CD2AP: variants seen among roughly 807,000 people sequenced by gnomAD.
CD2AP encodes CD2-associated protein.
In CD2AP, 46 loss-of-function variants were observed where a neutral mutation model predicts 85.1. The ratio of observed to expected loss-of-function variants is 0.54; its 90% CI spans 0.43 to 0.69. CD2AP has a LOEUF of 0.69. Ranked by LOEUF, CD2AP falls within the 30% of genes least tolerant of loss-of-function variation. The pLI is 0.00. For missense variants in CD2AP, 769 were observed against 729.5 expected (o/e 1.05, Z -0.62); for synonymous variants, 255 against 252.9 (o/e 1.01, Z -0.08).
intron 12 of CD2AP, among the ~76,000 whole-genome samples, chr6:47,598,285 C>T (rs1769003989): frequency 6.6e-6 from 1 of 150,988 alleles, no homozygotes; most frequent in Admixed American, 6.6e-5. Context: ...AAAGGGAACA[C>T]TTGTACACTG....
intron 13 of CD2AP, among the ~76,000 whole-genome samples, chr6:47,603,166 A>G (rs1769188753): frequency 6.6e-6 from 1 of 152,054 alleles, no homozygotes; most frequent in South Asian, 2.1e-4. Context: ...TTTAGTTTCT[A>G]ATAGTTTCCT....
chr6:47,538,246 T>A (rs1767105966), intron 3 of CD2AP, among the ~76,000 whole-genome samples: 1 of 152,138 alleles, frequency 6.6e-6, no homozygotes, highest in African/African-American at 2.4e-5. Flanking sequence ...TTTATTTTAT[T>A]TATTTATTTT....
chr6:47,624,825 T>C lies in CD2AP; in HGVS notation c.*598T>C, dbSNP rs534650938. On this transcript the variant is annotated 3_prime_UTR_variant, in exon 18 of 18. Coordinates refer to ENST00000359314, the MANE Select transcript of CD2AP (RefSeq NM_012120.3). Reference sequence around the variant, plus strand: ...TATATTTTGGGTGATGAAATAGGAGTTTCCTAGCTATATAAACCAGATTAC... The same window carrying C: ...TATATTTTGGGTGATGAAATAGGAGCTTCCTAGCTATATAAACCAGATTAC... 4.0e-5 allele frequency: 6 copies of C among 151,746 alleles called. No homozygotes were observed. The East Asian group carries it at 7.7e-4, about 20-fold the overall frequency. 9.4% of individuals were successfully genotyped at this position (151,746 alleles called of 1,614,324 possible).
chr6:47,605,661 T>G (rs1394912645), intron 13 of CD2AP, among the ~76,000 whole-genome samples: 1 of 152,076 alleles, frequency 6.6e-6, no homozygotes, highest in Non-Finnish European at 1.5e-5. Context: ...ATCATGCTTT[T>G]GCTTTATATT....
In CD2AP at chr6:47,580,829, C is replaced by G. The variant is rs534961105; in HGVS notation, c.1009-35C>G. ...TATTTTAACTATATTTGATATGAAA[C>G]TGGTCAGCCGTTTCCACCATTATTA... On this transcript the variant is annotated intron_variant, in intron 9 of 17. Transcript: ENST00000359314. 3.9e-6 allele frequency: 6 copies of G among 1,527,614 alleles called. No homozygotes were observed. The East Asian group carries it at 1.1e-4, about 29-fold the overall frequency. 94.6% of individuals were successfully genotyped at this position (1,527,614 alleles called of 1,614,324 possible).
rs976346293 is a variant in CD2AP, at chr6:47,594,692, G to C, written c.1109-1169G>C. ...GTGGTATAATTATATATAGTACATT[G>C]TTACATCTTGAGGCCATATAAAAAT... On this transcript the variant is annotated intron_variant, in intron 11 of 17. Coordinates refer to ENST00000359314, the MANE Select transcript of CD2AP (RefSeq NM_012120.3). 2.1e-4 allele frequency among the ~76,000 whole-genome samples: 32 copies of C among 151,986 alleles called. 1 individual carries two copies. Among genetic ancestry groups the C allele is most frequent in the Admixed American group, 2.6e-4 (4 of 15,232 alleles).
intron 11 of CD2AP, among the ~76,000 whole-genome samples, chr6:47,583,524 A>G (rs969749801): frequency 6.6e-6 from 1 of 152,152 alleles, no homozygotes; most frequent in Non-Finnish European, 1.5e-5. Context: ...TACAGCACGT[A>G]GCCTTTTCAA....
intron 1 of CD2AP, among the ~76,000 whole-genome samples, chr6:47,484,549 C>T (rs999869654): frequency 2.0e-5 from 3 of 152,176 alleles, no homozygotes; most frequent in East Asian, 1.9e-4. Flanking sequence ...TAAATTGATA[C>T]TGGCTTAAGA....
intron 5 of CD2AP, among the ~76,000 whole-genome samples, chr6:47,556,867 A>G (rs1767707835): frequency 1.3e-5 from 2 of 152,222 alleles, no homozygotes; most frequent in South Asian, 2.1e-4. Context: ...GTCAAATGGT[A>G]TTTCTAGTTC....
At chr6:47,592,778 A>G (rs746656181) in intron 11 of CD2AP, among the ~76,000 whole-genome samples, 1 of 152,122 alleles carries the variant, frequency 6.6e-6, no homozygotes, top group African/African-American at 2.4e-5. Context: ...TGGAGAAGTT[A>G]CGGAAACTCT....
chr6:47,602,421 A>G (rs1285093326), intron 13 of CD2AP, among the ~76,000 whole-genome samples: 1 of 152,100 alleles, frequency 6.6e-6, no homozygotes, highest in African/African-American at 2.4e-5. Flanking sequence ...TGTGGTCCAC[A>G]TATTTCTAAA....
chr6:47,618,326 AC>A (rs780777654), intron 17 of CD2AP, among the ~76,000 whole-genome samples: 1 of 152,140 alleles, frequency 6.6e-6, no homozygotes, highest in Non-Finnish European at 1.5e-5. Context: ...TCAAAAAAAA[AC>A]GAGTAGTCTT....
chr6:47,529,938 CTTCA>C (rs1335326220), intron 2 of CD2AP, among the ~76,000 whole-genome samples: 2 of 152,164 alleles, frequency 1.3e-5, no homozygotes, highest in African/African-American at 2.4e-5. Context: ...TTAGTGTTGT[CTTCA>C]TTCCTCAGAA....
intron 6 of CD2AP, among the ~76,000 whole-genome samples, chr6:47,576,317 A>C (rs2114099374): frequency 6.6e-6 from 1 of 152,322 alleles, no homozygotes; most frequent in South Asian, 2.1e-4. Flanking sequence ...TCTTTGAGAC[A>C]AGGAATCTTT....
intron 1 of CD2AP, among the ~76,000 whole-genome samples, chr6:47,495,061 ATTGAGGTGGGAGGATCAC>A (rs1234037307): frequency 6.6e-6 from 1 of 151,876 alleles, no homozygotes; most frequent in East Asian, 1.9e-4. Context: ...TACTCAGGAG[ATTGAGGTGGGAGGATCAC>A]TTGAACCTGG....
intron 4 of CD2AP, among the ~76,000 whole-genome samples, chr6:47,553,764 G>A (rs539123850): frequency 5.9e-5 from 9 of 152,126 alleles, no homozygotes; most frequent in Middle Eastern, 6.8e-3. Context: ...TAGAAATTGA[G>A]TAATCTTATT....
chr6:47,493,282 T>C (rs1185815003), intron 1 of CD2AP, among the ~76,000 whole-genome samples: 1 of 152,034 alleles, frequency 6.6e-6, no homozygotes, highest in Non-Finnish European at 1.5e-5. Flanking sequence ...ATTCTTGTTT[T>C]TGTTTGAAAA....
At chr6:47,560,567 G>A (rs1767830004) in intron 5 of CD2AP, among the ~76,000 whole-genome samples, 1 of 151,792 alleles carries the variant, frequency 6.6e-6, no homozygotes, top group Non-Finnish European at 1.5e-5. Context: ...TTGTTTGTTT[G>A]TCTTTTTCCC....
At chr6:47,613,744 C>T (rs1769507447) in intron 17 of CD2AP, among the ~76,000 whole-genome samples, 1 of 152,136 alleles carries the variant, frequency 6.6e-6, no homozygotes, top group Non-Finnish European at 1.5e-5. Flanking sequence ...TCCTTTGAAG[C>T]TTTGAAGCCA....
Sources: gnomAD v4.1 joint callset for allele counts (sites outside exome capture counted in the v4.1 genomes callset) on GRCh38, gnomAD v4.1.1 for gene constraint, MANE v1.5 for transcripts, NCBI Gene and HGNC (gene_info 2026-07-23, HGNC 2026-07-21) for gene names.